FHIT: variants seen among roughly 807,000 people sequenced by gnomAD.
FHIT encodes fragile histidine triad diadenosine triphosphatase.
FHIT carries 19 observed loss-of-function variants against 17.9 expected under a neutral mutation model. That is an observed-to-expected ratio of 1.06 (90% CI 0.74 to 1.56). FHIT has a LOEUF of 1.56. Among genes scored for constraint, FHIT ranks in the 40% most tolerant of loss-of-function variants. The pLI, the probability that FHIT is intolerant of heterozygous loss-of-function variation, is 0.00. For synonymous variants in FHIT, 81 were observed against 69.7 expected (o/e 1.16, Z -0.81); for missense variants, 248 against 189.2 (o/e 1.31, Z -1.82).
intron 2 of FHIT, among the ~76,000 whole-genome samples, chr3:61,068,745 T>C (rs2034700628): frequency 6.6e-6 from 1 of 152,044 alleles, no homozygotes; most frequent in African/African-American, 2.4e-5. Context: ...ACCACCAATA[T>C]AGAAAATAAG....
chr3:60,314,721 C>A (rs1709092166), intron 5 of FHIT, among the ~76,000 whole-genome samples: 1 of 152,052 alleles, frequency 6.6e-6, no homozygotes, highest in South Asian at 2.1e-4. Context: ...ACATTCCTTC[C>A]ATCCAGAAGT....
chr3:60,436,764 C>CT (rs993968805), intron 5 of FHIT, among the ~76,000 whole-genome samples: 2 of 152,032 alleles, frequency 1.3e-5, no homozygotes, highest in African/African-American at 4.8e-5. Flanking sequence ...AAAGAGGTTT[C>CT]TTTTTATTTC....
intron 4 of FHIT, among the ~76,000 whole-genome samples, chr3:60,681,682 A>C (rs2040751913): frequency 6.6e-6 from 1 of 152,222 alleles, no homozygotes; most frequent in African/African-American, 2.4e-5. Context: ...AGGATATGGG[A>C]AAGTTTGAGT....
chr3:60,271,103 G>C (rs1412282213), intron 5 of FHIT, among the ~76,000 whole-genome samples: 1 of 152,058 alleles, frequency 6.6e-6, no homozygotes, highest in African/African-American at 2.4e-5. Context: ...GTCACTAATA[G>C]CTTGTTAGCA....
chr3:61,092,117 T>C (rs974181423), intron 2 of FHIT, among the ~76,000 whole-genome samples: 6 of 112,058 alleles, frequency 5.4e-5, no homozygotes, highest in African/African-American at 2.1e-4. Context: ...GGGGTGGGGG[T>C]AGGGGGGTGG....
intron 5 of FHIT, among the ~76,000 whole-genome samples, chr3:60,014,488 C>G (rs1700266268): frequency 6.6e-6 from 1 of 152,188 alleles, no homozygotes; most frequent in Admixed American, 6.5e-5. Flanking sequence ...GACCCCTATT[C>G]TAAAGCTGTG....
intron 5 of FHIT, among the ~76,000 whole-genome samples, chr3:60,104,468 GA>G (rs766925206): frequency 3.5e-4 from 45 of 130,426 alleles, no homozygotes; most frequent in Admixed American, 1.2e-3. Flanking sequence ...GTCTTGAAGA[GA>G]GAGTGAATTA....
chr3:60,238,916 A>G (rs1296243813), intron 5 of FHIT, among the ~76,000 whole-genome samples: 3 of 152,218 alleles, frequency 2.0e-5, no homozygotes, highest in Admixed American at 1.3e-4. Flanking sequence ...CTTTTCAATT[A>G]TGATAATCCT....
At chr3:60,920,442 T>C (rs1317958122) in intron 3 of FHIT, among the ~76,000 whole-genome samples, 1 of 152,000 alleles carries the variant, frequency 6.6e-6, no homozygotes, top group Admixed American at 6.6e-5. Flanking sequence ...AGAAGGAAAA[T>C]AGTCTAGATC....
intron 5 of FHIT, among the ~76,000 whole-genome samples, chr3:60,426,693 C>G (rs1354469941): frequency 6.6e-6 from 1 of 152,146 alleles, no homozygotes; most frequent in Non-Finnish European, 1.5e-5. Flanking sequence ...ACCGTTTGAT[C>G]ATCACAATTT....
At chr3:60,550,234 G>A (rs1262252909) in intron 4 of FHIT, among the ~76,000 whole-genome samples, 2 of 152,156 alleles carry the variant, frequency 1.3e-5, no homozygotes, top group African/African-American at 4.8e-5. Flanking sequence ...ATAAATGAAT[G>A]GTTGGAGACA....
At chr3:60,911,370 T>C (rs1173040277) in intron 3 of FHIT, among the ~76,000 whole-genome samples, 1 of 54,186 alleles carries the variant, frequency 1.8e-5, no homozygotes, top group Non-Finnish European at 3.6e-5. Flanking sequence ...ATTCTTTGCA[T>C]GCACACACAC....
At chr3:60,081,741 T>C (rs1483959287) in intron 5 of FHIT, among the ~76,000 whole-genome samples, 1 of 152,062 alleles carries the variant, frequency 6.6e-6, no homozygotes, top group Non-Finnish European at 1.5e-5. Flanking sequence ...TGTGTGAATA[T>C]GTGTGTGTGT....
rs545399875 is a variant in FHIT at position 60,013,866 on chromosome 3, C to T, written c.249+141G>A. 9.8e-6 allele frequency: 8 copies of T among 815,120 alleles called. No individual in the cohort carries two copies. The Admixed American group carries it at 1.3e-4, about 13-fold the overall frequency. The allele number at this position is 815,120 out of a possible 1,614,324, so 50.5% of individuals were successfully genotyped here. On this transcript the variant is annotated intron_variant, in intron 6 of 9. Coordinates refer to ENST00000492590, the MANE Select transcript of FHIT (RefSeq NM_002012.4). ...GCCAATGGACAGTAGGGTTGCCCTGCATTAGAAATCTCTTTTTTTGGCTGC... is the reference window on the plus strand; with the variant it reads ...GCCAATGGACAGTAGGGTTGCCCTGTATTAGAAATCTCTTTTTTTGGCTGC...
At chr3:61,091,375 C>T (rs543796459) in intron 2 of FHIT, among the ~76,000 whole-genome samples, 1 of 152,212 alleles carries the variant, frequency 6.6e-6, no homozygotes, top group African/African-American at 2.4e-5. Flanking sequence ...CGTAACCTTC[C>T]TAAGTCTTCT....
At chr3:60,277,629 A>G (rs1471115334) in intron 5 of FHIT, among the ~76,000 whole-genome samples, 2 of 151,996 alleles carry the variant, frequency 1.3e-5, no homozygotes. Flanking sequence ...CGTCCAACCA[A>G]TCTTTGGGCC....
chr3:60,168,178 A>T (rs1403178723), intron 5 of FHIT, among the ~76,000 whole-genome samples: 1 of 152,200 alleles, frequency 6.6e-6, no homozygotes. Context: ...GCCTGGCAAT[A>T]AACACTTGAA....
chr3:61,021,370 C>G (rs1252206287), intron 3 of FHIT, among the ~76,000 whole-genome samples: 5 of 151,062 alleles, frequency 3.3e-5, no homozygotes, highest in Admixed American at 3.3e-4. Context: ...GAGGCCGAGG[C>G]GGGCGGATCA....
At chr3:60,471,343 C>A (rs1427668320) in intron 5 of FHIT, among the ~76,000 whole-genome samples, 2 of 152,202 alleles carry the variant, frequency 1.3e-5, no homozygotes, top group Non-Finnish European at 2.9e-5. Flanking sequence ...CTTCAGAGCA[C>A]TTTAGCCTGT....
Sources: gnomAD v4.1 joint callset for allele counts (sites outside exome capture counted in the v4.1 genomes callset) on GRCh38, gnomAD v4.1.1 for gene constraint, MANE v1.5 for transcripts, NCBI Gene and HGNC (gene_info 2026-07-23, HGNC 2026-07-21) for gene names.